LINGO2: variants seen among roughly 807,000 people sequenced by gnomAD.
LINGO2 encodes leucine rich repeat and Ig domain containing 2, also known as leucine-rich repeat and immunoglobulin-like domain-containing nogo receptor-interacting protein 2.
A neutral mutation model predicts 30.6 loss-of-function variants in LINGO2; 14 were observed. The ratio of observed to expected loss-of-function variants is 0.46; its 90% confidence interval spans 0.30 to 0.72. The LOEUF (loss-of-function observed/expected upper bound fraction) is 0.72. LINGO2 is among the 30% of genes least tolerant of loss of function. The probability of loss-of-function intolerance (pLI) is 0.07; values close to 1 mark genes in which losing one functional copy is unlikely to be tolerated. For synonymous variants in LINGO2, 317 were observed against 288.5 expected (o/e 1.10, Z -1.00); for missense variants, 729 against 751.7 (o/e 0.97, Z 0.35).
At chr9:27,991,499 G>C (rs945803318) in intron 5 of LINGO2, among the ~76,000 whole-genome samples, 4 of 152,026 alleles carry the variant, frequency 2.6e-5, no homozygotes, top group Non-Finnish European at 5.9e-5. Context: ...AATTAGCATA[G>C]CTCTCTCAAG....
chr9:28,887,600 C>T, the LINGO2 span, among the ~76,000 whole-genome samples: 4 of 152,060 alleles, frequency 2.6e-5, no homozygotes, highest in African/African-American at 9.7e-5. Context: ...CAACAAGCTA[C>T]TGGAAATAAA....
chr9:28,749,861 T>C, the LINGO2 span, among the ~76,000 whole-genome samples: 3 of 152,092 alleles, frequency 2.0e-5, no homozygotes, highest in African/African-American at 7.3e-5. Context: ...TATAATGATA[T>C]GCATAATCAT....
At chr9:28,552,440 T>A (rs1822345464) in intron 1 of LINGO2, among the ~76,000 whole-genome samples, 2 of 152,180 alleles carry the variant, frequency 1.3e-5, no homozygotes, top group South Asian at 2.1e-4. Flanking sequence ...CACGAACACT[T>A]GGTCTTATTG....
intron 4 of LINGO2, among the ~76,000 whole-genome samples, chr9:28,265,740 C>A (rs1171070050): frequency 6.6e-6 from 1 of 151,968 alleles, no homozygotes; most frequent in Admixed American, 6.6e-5. Context: ...TGAAACTTTT[C>A]TGTATGTTTA....
chr9:27,993,200 G>A (rs1363713792), intron 5 of LINGO2, among the ~76,000 whole-genome samples: 1 of 152,044 alleles, frequency 6.6e-6, no homozygotes, highest in Admixed American at 6.6e-5. Context: ...TATTAAATTG[G>A]TAATTTTCCC....
the LINGO2 span, among the ~76,000 whole-genome samples, chr9:28,829,137 T>C: frequency 6.6e-6 from 1 of 152,084 alleles, no homozygotes; most frequent in African/African-American, 2.4e-5. Context: ...CAGCTGATTG[T>C]CAGAGAGAAG....
At chr9:28,157,486 G>T (rs1227986977) in intron 4 of LINGO2, among the ~76,000 whole-genome samples, 1 of 152,188 alleles carries the variant, frequency 6.6e-6, no homozygotes, top group African/African-American at 2.4e-5. Flanking sequence ...TGCCATGAAG[G>T]CCTCTGACGT....
intron 3 of LINGO2, among the ~76,000 whole-genome samples, chr9:28,296,318 G>T (rs955193819): frequency 5.3e-5 from 8 of 152,146 alleles, no homozygotes; most frequent in African/African-American, 1.9e-4. Context: ...AAAACTATTA[G>T]ATTTTTTATA....
At chr9:28,889,135 A>G in the LINGO2 span, among the ~76,000 whole-genome samples, 2 of 152,170 alleles carry the variant, frequency 1.3e-5, no homozygotes, top group Non-Finnish European at 2.9e-5. Flanking sequence ...TATGTATTCA[A>G]TAAATATTGA....
At chr9:28,923,378 G>A in the LINGO2 span, among the ~76,000 whole-genome samples, 1 of 152,036 alleles carries the variant, frequency 6.6e-6, no homozygotes, top group Non-Finnish European at 1.5e-5. Context: ...CTTTGTTTTT[G>A]GAGCAGTATT....
intron 2 of LINGO2, among the ~76,000 whole-genome samples, chr9:28,373,722 A>G (rs892682035): frequency 6.6e-6 from 1 of 152,076 alleles, no homozygotes; most frequent in African/African-American, 2.4e-5. Flanking sequence ...CAACATGGCG[A>G]AACCCCATCT....
intron 4 of LINGO2, among the ~76,000 whole-genome samples, chr9:28,032,393 T>C (rs561821538): frequency 1.5e-4 from 23 of 152,268 alleles, no homozygotes; most frequent in African/African-American, 5.5e-4. Flanking sequence ...CCCACTGCCT[T>C]AGCAGAGGGA....
At chr9:28,456,550 A>T (rs919271044) in intron 2 of LINGO2, among the ~76,000 whole-genome samples, 2 of 152,180 alleles carry the variant, frequency 1.3e-5, no homozygotes, top group Admixed American at 1.3e-4. Flanking sequence ...TACCATTCTG[A>T]CTGTTCATTT....
intron 5 of LINGO2, among the ~76,000 whole-genome samples, chr9:27,986,034 T>A (rs7029874): frequency 6.6e-6 from 1 of 151,580 alleles, no homozygotes; most frequent in African/African-American, 2.4e-5. Flanking sequence ...TTTTAGAAAG[T>A]AAACTGCCTT....
intron 1 of LINGO2, among the ~76,000 whole-genome samples, chr9:28,596,030 G>T (rs1825158909): frequency 6.6e-6 from 1 of 152,058 alleles, no homozygotes; most frequent in African/African-American, 2.4e-5. Context: ...CTAAAATTCT[G>T]CATTGAATAC....
chr9:28,222,578 C>T (rs557786739), intron 4 of LINGO2, among the ~76,000 whole-genome samples: 11 of 151,708 alleles, frequency 7.3e-5, no homozygotes, highest in Middle Eastern at 3.4e-3. Context: ...AGTCACATTT[C>T]GAATCTAATA....
At chr9:28,975,218 T>A in the LINGO2 span, among the ~76,000 whole-genome samples, 1 of 151,878 alleles carries the variant, frequency 6.6e-6, no homozygotes, top group Non-Finnish European at 1.5e-5. Context: ...GAAAGAAAAT[T>A]CTTAGGAAAA....
At chr9:28,999,977 C>T in the LINGO2 span, among the ~76,000 whole-genome samples, 1 of 151,952 alleles carries the variant, frequency 6.6e-6, no homozygotes, top group African/African-American at 2.4e-5. Context: ...ACCCAACTCT[C>T]AAAATTCTTC....
At chr9:28,973,526 G>GA in the LINGO2 span, among the ~76,000 whole-genome samples, 39 of 152,290 alleles carry the variant, frequency 2.6e-4, no homozygotes, top group African/African-American at 8.9e-4. Flanking sequence ...CATGAGATCT[G>GA]ATGGTTTTAG....
Sources: allele counts gnomAD v4.1 joint callset (sites outside exome capture counted in the v4.1 genomes callset), GRCh38; gene constraint gnomAD v4.1.1; transcripts MANE v1.5; gene names NCBI Gene and HGNC (gene_info 2026-07-23, HGNC 2026-07-21).